Variants in RFTN2 observed in about 807,000 individuals in gnomAD.
The protein encoded by RFTN2 is raftlin family member 2, also known as raftlin-2.
A neutral mutation model predicts 52.7 loss-of-function variants in RFTN2; 34 were observed. That is an observed-to-expected ratio of 0.64 (90% CI 0.49 to 0.86). The LOEUF (loss-of-function observed/expected upper bound fraction) is 0.86. Ranked by LOEUF, RFTN2 falls within the 40% of genes least tolerant of loss-of-function variation. The probability of loss-of-function intolerance (pLI) is 0.00; values close to 1 mark genes in which losing one functional copy is unlikely to be tolerated. For missense variants in RFTN2, 536 were observed against 600.1 expected (o/e 0.89, Z 1.12); for synonymous variants, 203 against 217.7 (o/e 0.93, Z 0.59).
intron 1 of RFTN2, among the ~76,000 whole-genome samples, chr2:197,662,446 CT>C (rs1260764290): frequency 6.6e-6 from 1 of 152,088 alleles, no homozygotes; most frequent in Non-Finnish European, 1.5e-5. Flanking sequence ...AAATTTATTT[CT>C]GGGTTCTGTA....
At chr2:197,607,608 G>A (rs191156438) in intron 7 of RFTN2, among the ~76,000 whole-genome samples, 140 of 152,056 alleles carry the variant, frequency 9.2e-4, no homozygotes, top group Non-Finnish European at 1.7e-3. Context: ...TTAATTAATT[G>A]TCGTGGCTTA....
In RFTN2 at chr2:197,633,933, G is replaced by T; in HGVS notation, c.503C>A (p.Ser168Tyr). The T allele has an allele frequency of 6.2e-7, 1 of 1,613,216 alleles. No homozygotes were observed. The highest frequency in any genetic ancestry group is 1.3e-5 in the African/African-American group (1 of 74,996). The change falls in exon 4 of 9, where the codon TCT becomes TAT. Residue 168 changes from serine to tyrosine, a missense_variant. Ser to Tyr is a moderately radical substitution (Grantham distance 144). Coordinates refer to ENST00000295049, the MANE Select transcript of RFTN2 (RefSeq NM_144629.3). ...VGFISQHYSP[S>Y]KFCNGTNHDG... is the part of the protein sequence containing the mutation. ...ATGGTTGGTTCCATTGCAGAATTTA[G>T]ATGGAGAATAATGCTGTGATATGAA...
chr2:197,635,734 T>G (rs1458677175), intron 3 of RFTN2, among the ~76,000 whole-genome samples: 6 of 147,764 alleles, frequency 4.1e-5, no homozygotes, highest in East Asian at 4.0e-4. Flanking sequence ...AGAAGCTCTT[T>G]AGTTTAATTA....
At chr2:197,601,004 C>T (rs2087871495) in intron 7 of RFTN2, among the ~76,000 whole-genome samples, 1 of 152,196 alleles carries the variant, frequency 6.6e-6, no homozygotes, top group African/African-American at 2.4e-5. Flanking sequence ...CCCTTCATCT[C>T]TGAGGGCAGC....
intron 5 of RFTN2, among the ~76,000 whole-genome samples, chr2:197,622,055 C>A (rs1484302864): frequency 6.6e-6 from 1 of 152,106 alleles, no homozygotes; most frequent in African/African-American, 2.4e-5. Flanking sequence ...TAAGCCAAAG[C>A]CTAATCCAGA....
chr2:197,639,105 A>G (rs2088616833), intron 3 of RFTN2, among the ~76,000 whole-genome samples: 1 of 142,982 alleles, frequency 7.0e-6, no homozygotes, highest in Non-Finnish European at 1.5e-5. Context: ...CTGCCGAGAG[A>G]TCCGCTGTTA....
Position 197,668,364 on chromosome 2 carries a change from T to C in RFTN2, c.139+6956A>G, listed in dbSNP as rs563106360. Among the ~76,000 whole-genome samples the C allele has an allele frequency of 3.0e-4, 45 of 152,034 alleles. No individual in the cohort carries two copies. The South Asian group carries it at 9.4e-3, about 32-fold the overall frequency. ...CCAGGCCAGCAGTGGAATGTTCAGATTGGGGGCAGCAGTGGCCATGCTGCT... is the reference window on the plus strand; with the variant it reads ...CCAGGCCAGCAGTGGAATGTTCAGACTGGGGGCAGCAGTGGCCATGCTGCT... On this transcript the variant is annotated intron_variant, in intron 1 of 8. Coordinates refer to ENST00000295049, the MANE Select transcript of RFTN2 (RefSeq NM_144629.3).
At position 197,616,984 on chromosome 2, in the gene RFTN2, C is replaced by A. The variant is rs890961355; in HGVS notation, c.1050+816G>T. The stretch of plus-strand genomic sequence containing the variant: ...CAGTGTGTACACCTCAAAGACAGTC[C>A]ATTCAGTGACATCTGAATTCAGGGT... On this transcript the variant is annotated intron_variant, in intron 6 of 8. Transcript: ENST00000295049. Among the ~76,000 whole-genome samples the A allele has an allele frequency of 3.3e-5, 5 of 152,188 alleles. No homozygotes were observed. The East Asian group carries it at 9.6e-4, about 29-fold the overall frequency.
In RFTN2 at chr2:197,654,229, T is replaced by G. The variant is rs2088862766; in HGVS notation, c.140-7563A>C. Among the ~76,000 whole-genome samples the G allele has an allele frequency of 2.0e-5, 3 of 151,666 alleles. No individual in the cohort carries two copies. In the South Asian group the frequency reaches 6.3e-4, roughly 32 times the overall value. On this transcript the variant is annotated intron_variant, in intron 1 of 8. Transcript: ENST00000295049. ...AATGAGACACTGTCTCTACAGAAAA[T>G]TTAAATATTAGCTGAGCGTGATTGC...
rs1222944678 is a variant in RFTN2 at position 197,674,339 on chromosome 2, C to CAAAAAAAA, written c.139+973_139+980dup. Among the ~76,000 whole-genome samples the CAAAAAAAA allele has an allele frequency of 5.6e-3, 190 of 34,232 alleles. 1 individual carries two copies. Among genetic ancestry groups the CAAAAAAAA allele is most frequent in the African/African-American group, 7.6e-3 (62 of 8,184 alleles). The allele number at this position is 34,232 out of a possible 152,430, so 22.5% of individuals were successfully genotyped here. A position where few individuals can be genotyped will look rare whatever the true frequency, so the allele number is the denominator to read the frequency against. On this transcript the variant is annotated intron_variant, in intron 1 of 8. Coordinates refer to ENST00000295049, the MANE Select transcript of RFTN2 (RefSeq NM_144629.3). ...AAGATGCACTGTTTCTAGAGCAAAG[C>CAAAAAAAA]AAAAAAAAAAAAAAAAAAAAAAAAG...
intron 5 of RFTN2, among the ~76,000 whole-genome samples, chr2:197,630,211 TAA>T (rs1553602968): frequency 6.9e-5 from 1 of 14,474 alleles, no homozygotes; most frequent in South Asian, 1.7e-3. Flanking sequence ...GTTAAGGTAA[TAA>T]ATACTAGGCT....
At chr2:197,574,032 C>A (rs1574670857) in intron 8 of RFTN2, among the ~76,000 whole-genome samples, 1 of 152,200 alleles carries the variant, frequency 6.6e-6, no homozygotes, top group Admixed American at 6.5e-5. Flanking sequence ...TAATGGAGAA[C>A]CTTGCTAGGG....
chr2:197,649,122 A>G (rs921638321), intron 1 of RFTN2, among the ~76,000 whole-genome samples: 8 of 152,342 alleles, frequency 5.3e-5, no homozygotes, highest in Admixed American at 4.6e-4. Flanking sequence ...AAAAAAAGTT[A>G]GGTTAGCAAT....
At chr2:197,585,335 A>G (rs954393195) in intron 8 of RFTN2, among the ~76,000 whole-genome samples, 3 of 152,040 alleles carry the variant, frequency 2.0e-5, no homozygotes, top group Non-Finnish European at 2.9e-5. Context: ...ACCATTCTCA[A>G]CTACTTGTAA....
intron 7 of RFTN2, 122 bp from the exon 8 acceptor site, chr2:197,596,191 A>G: frequency 2.0e-6 from 1 of 488,964 alleles, no homozygotes; most frequent in Non-Finnish European, 3.5e-6. Flanking sequence ...TAATTATAAA[A>G]TATAAATCTT....
chr2:197,646,662 T>G lies in RFTN2; in HGVS notation c.144A>C (p.Ser48=). Reference sequence around the variant, plus strand: ...TTATCTTGATGACTTCTGGGTTTGATGAAGCTGAAATATCAAAAGCAAAGA... The same window carrying G: ...TTATCTTGATGACTTCTGGGTTTGAGGAAGCTGAAATATCAAAAGCAAAGA... ...YVLLDFTLQA[S]SNPEVIKINS... is the part of the protein sequence containing the mutation. Residue 48 remains serine (S), a synonymous_variant, in exon 2 of 9, where the codon TCA becomes TCC. Transcript: ENST00000295049. 1 of 1,609,740 alleles carries G rather than the reference T, an allele frequency of 6.2e-7. No individual in the cohort carries two copies. Among genetic ancestry groups the G allele is most frequent in the Non-Finnish European group, 8.5e-7 (1 of 1,177,084 alleles).
At chr2:197,587,800 TAAC>T (rs750954261) in intron 8 of RFTN2, among the ~76,000 whole-genome samples, 2 of 152,180 alleles carry the variant, frequency 1.3e-5, no homozygotes, top group South Asian at 2.1e-4. Flanking sequence ...CATTAAATAA[TAAC>T]ATTTCCAACA....
intron 8 of RFTN2, among the ~76,000 whole-genome samples, chr2:197,591,981 C>G (rs566335155): frequency 6.6e-6 from 1 of 152,084 alleles, no homozygotes; most frequent in Non-Finnish European, 1.5e-5. Context: ...GCTCTGGCCT[C>G]GGCCAGACCA....
intron 1 of RFTN2, among the ~76,000 whole-genome samples, chr2:197,666,660 C>T (rs114650254): frequency 0.012 from 1,880 of 152,304 alleles, 13 homozygotes; most frequent in Non-Finnish European, 0.017. Flanking sequence ...CTCAGAGTCT[C>T]CCATACCTGA....
Sources: allele counts gnomAD v4.1 joint callset (sites outside exome capture counted in the v4.1 genomes callset), GRCh38; gene constraint gnomAD v4.1.1; transcripts MANE v1.5; gene names NCBI Gene and HGNC (gene_info 2026-07-23, HGNC 2026-07-21).